The following ALOX12B variants were observed in gnomAD, a reference collection of about 807,000 sequenced individuals.
ALOX12B encodes arachidonate 12-lipoxygenase, 12R type.
Under a neutral mutation model 78.9 loss-of-function variants are expected in ALOX12B, and 47 were observed. The observed-to-expected ratio is 0.60, with a 90% CI of 0.47 to 0.76. ALOX12B has a LOEUF of 0.76. ALOX12B is among the 30% of genes least tolerant of loss of function. The probability of loss-of-function intolerance (pLI) is 0.00; values close to 1 mark genes in which losing one functional copy is unlikely to be tolerated. For synonymous variants in ALOX12B, 370 were observed against 374.5 expected, an observed-to-expected ratio of 0.99 and a Z score of 0.14; for missense variants, 805 against 922.6, an observed-to-expected ratio of 0.87 and a Z score of 1.65.
Position 8,080,867 on chromosome 17 carries a change from C to G in ALOX12B, c.527+17G>C. On this transcript the variant is annotated intron_variant, in intron 4 of 14. Coordinates refer to ENST00000647874, the MANE Select transcript of ALOX12B (RefSeq NM_001139.3). The surrounding 1 kb of genome is among the most constrained non-coding windows in gnomAD (Gnocchi z 4.8). ...GGAAAACCATGGGCGGGGCCCAGCA[C>G]AGCTTCGGGTCCTTACTCAGGCCGG... is the stretch of plus-strand genomic sequence containing the variant. 6.2e-7 allele frequency: 1 copy of G among 1,613,938 alleles called. No homozygotes were observed. Among genetic ancestry groups the G allele is most frequent in the South Asian group, 1.1e-5 (1 of 91,080 alleles).
In ALOX12B at chr17:8,080,794, C is replaced by G; in HGVS notation, c.528-14G>C. 8 of 1,614,054 alleles carry G rather than the reference C, an allele frequency of 5.0e-6. No individual in the cohort carries two copies. The highest frequency in any genetic ancestry group is 6.8e-6 in the Non-Finnish European group (8 of 1,180,000). On this transcript the variant is annotated splice_polypyrimidine_tract_variant and intron_variant, in intron 4 of 14. Transcript: ENST00000647874. This position sits in a 1 kb window ranked among gnomAD's most constrained non-coding sequence, Gnocchi z 4.8. ...TAGCCATTCCACCTGTGGGGAGAAG[C>G]GCAGGGCAACTGGGATCCAGGGGGC... is the stretch of plus-strand genomic sequence containing the variant.
intron 8 of ALOX12B, among the ~76,000 whole-genome samples, chr17:8,077,767 G>A (rs1160854965): frequency 1.3e-5 from 2 of 152,340 alleles, no homozygotes; most frequent in East Asian, 1.9e-4. Flanking sequence ...AGTATTTCCA[G>A]TAGGGACCTG....
In ALOX12B at chr17:8,080,560, A is replaced by G; in HGVS notation, c.650+98T>C. ...TTCAGCTCCCTCTGCCTTCCTGGCC[A>G]TTCCAACCTCTGGGGCTGTCTTGGA... On this transcript the variant is annotated intron_variant, in intron 5 of 14. Transcript: ENST00000647874. This position sits in a 1 kb window ranked among gnomAD's most constrained non-coding sequence, Gnocchi z 4.8. 1 of 1,586,364 alleles carries G rather than the reference A, an allele frequency of 6.3e-7. No individual in the cohort carries two copies. The highest frequency in any genetic ancestry group is 1.1e-5 in the South Asian group (1 of 89,226).
In ALOX12B at chr17:8,079,206, C is replaced by A. The variant is rs1344826510; in HGVS notation, c.1071+190G>T. On this transcript the variant is annotated intron_variant, in intron 8 of 14. Coordinates refer to ENST00000647874, the MANE Select transcript of ALOX12B (RefSeq NM_001139.3). The surrounding 1 kb of genome is among the most constrained non-coding windows in gnomAD (Gnocchi z 6.4). ...GCCACCGCGTCCGGCAATACTGGGACATTTTATATAAGAAACTTGAGCATC... is the reference window on the plus strand; with the variant it reads ...GCCACCGCGTCCGGCAATACTGGGAAATTTTATATAAGAAACTTGAGCATC... Among the ~76,000 whole-genome samples, 1 of 152,110 alleles carries A rather than the reference C, an allele frequency of 6.6e-6. No homozygotes were observed. The highest frequency in any genetic ancestry group is 1.5e-5 in the Non-Finnish European group (1 of 68,010).
intron 3 of ALOX12B, 51 bp downstream of exon 3, chr17:8,081,055 A>G: frequency 6.2e-7 from 1 of 1,608,284 alleles, no homozygotes; most frequent in East Asian, 2.2e-5. Context: ...ACTGCCCCCC[A>G]CCTCCCTGGA....
chr17:8,076,912 C>G (rs1167153704), intron 9 of ALOX12B, 78 bp downstream of exon 9: 18 of 1,508,096 alleles, frequency 1.2e-5, no homozygotes, highest in Non-Finnish European at 1.4e-5. Context: ...TCTCTGACTG[C>G]TCAGTGGGCC....
Position 8,079,485 on chromosome 17 carries a change from C to G in ALOX12B, c.982G>C (p.Glu328Gln), listed in dbSNP as rs1323203377. 2.6e-6 allele frequency: 4 copies of G among 1,551,010 alleles called. No individual in the cohort carries two copies. In the South Asian group the frequency reaches 4.8e-5, roughly 18 times the overall value. Reference protein sequence around the residue: ...YRIMEGIPTVELSGRKQHHCA... With the variant: ...YRIMEGIPTVQLSGRKQHHCA... ...TGGTGCTGCTTCCGGCCGCTGAGCT[C>G]CACGGTGGGGATGCCCTCCATGATG... The change falls in exon 8 of 15, where the codon GAG becomes CAG. Residue 328 changes from glutamate (E) to glutamine (Q), a missense_variant. Coordinates refer to ENST00000647874, the MANE Select transcript of ALOX12B (RefSeq NM_001139.3). The surrounding 1 kb of genome is among the most constrained non-coding windows in gnomAD (Gnocchi z 6.4).
chr17:8,080,238 A>T lies in ALOX12B; in HGVS notation c.751T>A (p.Ser251Thr). Residue 251 changes from serine (S) to threonine (T), a missense_variant, in exon 6 of 15, where the codon TCC (serine) becomes ACC (threonine). Physicochemically the swap from Ser to Thr is moderately conservative, Grantham distance 58. Coordinates refer to ENST00000647874, the MANE Select transcript of ALOX12B (RefSeq NM_001139.3). This position sits in a 1 kb window ranked among gnomAD's most constrained non-coding sequence, Gnocchi z 4.8. ...KIFPGKKSVV[S>T]EYVAEHWAED... is the part of the protein sequence containing the mutation. Reference sequence around the variant, plus strand: ...TCCGGGACGCCCCATTCCATACCGGAGACGACAGATTTCTTGCCAGGGAAA... The same window carrying T: ...TCCGGGACGCCCCATTCCATACCGGTGACGACAGATTTCTTGCCAGGGAAA... 1 of 1,614,104 alleles carries T rather than the reference A, an allele frequency of 6.2e-7. No individual in the cohort carries two copies. The highest frequency in any genetic ancestry group is 8.5e-7 in the Non-Finnish European group (1 of 1,179,930).
chr17:8,085,914 G>A (rs1010576552), intron 2 of ALOX12B, 102 bp downstream of exon 2: 1 of 1,402,512 alleles, frequency 7.1e-7, no homozygotes, highest in Non-Finnish European at 1.0e-6. Flanking sequence ...GTGGGGCTGG[G>A]CCCCCCTCTG....
intron 10 of ALOX12B, 86 bp downstream of exon 10, chr17:8,076,571 G>A: frequency 1.4e-6 from 2 of 1,457,516 alleles, no homozygotes. Flanking sequence ...ATGACCCAAA[G>A]GCAAATGGGA....
rs1978304329 is a variant in ALOX12B, at chr17:8,087,288, ACT to A, written c.147+6_147+7del. Reference sequence around the variant, plus strand: ...CACACACACACACACACACACACACACTCTTACCGCCCCAGTTGCAAAGTCTC... The same window carrying A: ...CACACACACACACACACACACACACACTTACCGCCCCAGTTGCAAAGTCTC... On this transcript the variant is annotated splice_donor_region_variant and intron_variant, in intron 1 of 14. Coordinates refer to ENST00000647874, the MANE Select transcript of ALOX12B (RefSeq NM_001139.3). The A allele has an allele frequency of 1.9e-6, 3 of 1,608,096 alleles. No homozygotes were observed. The highest frequency in any genetic ancestry group is 2.7e-5 in the African/African-American group (2 of 73,444).
chr17:8,076,881 C>G (rs200523587), intron 9 of ALOX12B, 109 bp downstream of exon 9: 3 of 715,184 alleles, frequency 4.2e-6, no homozygotes, highest in Non-Finnish European at 6.2e-6. Flanking sequence ...TCCCCAGATG[C>G]CCCCCAGGCT....
intron 12 of ALOX12B, 23 bp from the exon 13 acceptor site, chr17:8,073,780 A>T: frequency 1.3e-6 from 2 of 1,591,684 alleles, no homozygotes; most frequent in Non-Finnish European, 1.7e-6. Context: ...GGAAAAGCCC[A>T]GGCGACATCA....
intron 3 of ALOX12B, 50 bp from the exon 4 acceptor site, chr17:8,081,026 G>A: frequency 6.2e-7 from 1 of 1,613,302 alleles, no homozygotes. Context: ...CCACCCCAGG[G>A]CAAAGGGCCA....
chr17:8,076,441 C>T (rs1977084553), intron 10 of ALOX12B, 97 bp from the exon 11 acceptor site: 4 of 1,425,852 alleles, frequency 2.8e-6, no homozygotes, highest in Admixed American at 4.0e-5. Context: ...AACCCCTGAC[C>T]CAGCCCACCC....
intron 2 of ALOX12B, among the ~76,000 whole-genome samples, chr17:8,084,700 G>A (rs1978291978): frequency 6.6e-6 from 1 of 152,194 alleles, no homozygotes; most frequent in Non-Finnish European, 1.5e-5. Context: ...TCCAGCACAG[G>A]GCAATGAGAA....
intron 1 of ALOX12B, among the ~76,000 whole-genome samples, 189 bp from the exon 2 acceptor site, chr17:8,086,409 A>G (rs1036506428): frequency 1.3e-5 from 2 of 152,070 alleles, no homozygotes; most frequent in Non-Finnish European, 2.9e-5. Context: ...GGGGTCTCCT[A>G]CTGGATTCCT....
intron 2 of ALOX12B, among the ~76,000 whole-genome samples, chr17:8,085,483 C>T (rs1978294071): frequency 6.6e-6 from 1 of 152,108 alleles, no homozygotes; most frequent in South Asian, 2.1e-4. Context: ...ATTATAAGAC[C>T]GCAGCACCAC....
In ALOX12B at chr17:8,073,154, G is replaced by A; in HGVS notation, c.1920C>T (p.Asp640=). The A allele has an allele frequency of 6.2e-7, 1 of 1,614,064 alleles. No homozygotes were observed. Among genetic ancestry groups the A allele is most frequent in the Non-Finnish European group, 8.5e-7 (1 of 1,180,036 alleles). ...LVLWTLSREP[D]DRRPLGHFPD... ...CCCCCATCCCGTCTCGCACCCTGTC[G>A]TCAGGCTCTCGGCTGAGGGTCCAGA... The change falls in exon 14 of 15, where the codon GAC becomes GAT. Residue 640 remains aspartate, a synonymous_variant. Transcript: ENST00000647874.
Sources: gnomAD v4.1 joint callset for allele counts (sites outside exome capture counted in the v4.1 genomes callset) on GRCh38, gnomAD v4.1.1 for gene constraint, Gnocchi (gnomAD v3.1) non-coding constraint, MANE v1.5 for transcripts, NCBI Gene and HGNC (gene_info 2026-07-23, HGNC 2026-07-21) for gene names.